Variants in ERC1 observed in about 807,000 individuals in gnomAD.
The protein encoded by ERC1 is RAB6 interacting protein 2.
Under a neutral mutation model 132.0 loss-of-function variants are expected in ERC1, and 56 were observed. The observed-to-expected ratio is 0.42, with a 90% CI of 0.34 to 0.53. ERC1 has a LOEUF of 0.53. ERC1 is among the 20% of genes least tolerant of loss of function. The pLI, the probability that ERC1 is intolerant of heterozygous loss-of-function variation, is 0.03. For missense variants in ERC1, 1,202 were observed against 1,349.9 expected (o/e 0.89, Z 1.72); for synonymous variants, 478 against 476.1 (o/e 1.00, Z -0.05).
intron 18 of ERC1, among the ~76,000 whole-genome samples, chr12:1,487,326 C>A (rs2154434047): frequency 7.5e-6 from 1 of 132,664 alleles, no homozygotes; most frequent in African/African-American, 2.7e-5. Flanking sequence ...CATCTAGATT[C>A]TTTCTTTTCT....
chr12:1,191,093 G>A (rs1161124692), intron 12 of ERC1, among the ~76,000 whole-genome samples: 5 of 151,986 alleles, frequency 3.3e-5, no homozygotes, highest in Non-Finnish European at 7.4e-5. Flanking sequence ...CTCCTTCACT[G>A]TACTGAAAGT....
chr12:1,315,086 C>T (rs1438954720), intron 15 of ERC1, among the ~76,000 whole-genome samples: 6 of 152,156 alleles, frequency 3.9e-5, no homozygotes, highest in Non-Finnish European at 2.9e-5. Context: ...GTCTCACTCT[C>T]TCTGCTCACT....
chr12:1,036,964 C>T (rs1009165037), intron 2 of ERC1, among the ~76,000 whole-genome samples: 1 of 152,092 alleles, frequency 6.6e-6, no homozygotes, highest in African/African-American at 2.4e-5. Flanking sequence ...ACAATCATTT[C>T]GAGAAGCAAA....
intron 2 of ERC1, 97 bp from the exon 3 acceptor site, chr12:1,083,067 G>A: frequency 9.7e-7 from 1 of 1,028,144 alleles, no homozygotes. Flanking sequence ...GCTAGATGCA[G>A]ATTTCTTGTA....
chr12:1,174,161 C>T (rs548257772), intron 8 of ERC1, among the ~76,000 whole-genome samples: 1 of 152,334 alleles, frequency 6.6e-6, no homozygotes, highest in South Asian at 2.1e-4. Context: ...ACATTTCACC[C>T]GACACACCCA....
At chr12:1,200,289 C>G (rs1956782296) in intron 12 of ERC1, among the ~76,000 whole-genome samples, 1 of 152,128 alleles carries the variant, frequency 6.6e-6, no homozygotes. Context: ...TCTTATCTGT[C>G]TTTTCTTATT....
chr12:1,011,538 CT>C (rs1378758972), intron 1 of ERC1, among the ~76,000 whole-genome samples: 1 of 152,084 alleles, frequency 6.6e-6, no homozygotes, highest in Non-Finnish European at 1.5e-5. Flanking sequence ...TAGTGTTTAC[CT>C]GTTTGGAAAA....
intron 18 of ERC1, among the ~76,000 whole-genome samples, chr12:1,479,302 CT>C (rs1206660935): frequency 1.3e-5 from 2 of 152,134 alleles, no homozygotes; most frequent in African/African-American, 4.8e-5. Context: ...ATCAGCTCGT[CT>C]ATTCACATAC....
chr12:1,072,086 G>A (rs972505590), intron 2 of ERC1, among the ~76,000 whole-genome samples: 101 of 147,272 alleles, frequency 6.9e-4, no homozygotes, highest in African/African-American at 2.2e-3. Flanking sequence ...GGGCAGCAGA[G>A]CAAGACTCTG....
chr12:1,473,782 A>G (rs530198909), intron 18 of ERC1, among the ~76,000 whole-genome samples: 1 of 152,314 alleles, frequency 6.6e-6, no homozygotes, highest in South Asian at 2.1e-4. Context: ...ATGAGTGGGA[A>G]ATAAACATAG....
chr12:1,131,884 G>T (rs938194087), intron 7 of ERC1, among the ~76,000 whole-genome samples: 3 of 152,148 alleles, frequency 2.0e-5, no homozygotes, highest in African/African-American at 7.2e-5. Context: ...ATTGAAGTTG[G>T]CATGACCTGT....
chr12:1,196,370 A>C (rs752457658), intron 12 of ERC1, among the ~76,000 whole-genome samples: 2 of 152,154 alleles, frequency 1.3e-5, no homozygotes, highest in Non-Finnish European at 2.9e-5. Context: ...ATGTATTTTG[A>C]ATCTAAGGAA....
chr12:1,101,849 C>T (rs1944703060), intron 3 of ERC1, among the ~76,000 whole-genome samples: 1 of 152,200 alleles, frequency 6.6e-6, no homozygotes, highest in African/African-American at 2.4e-5. Context: ...GTTCACCAAA[C>T]AAGAGCTTCC....
intron 16 of ERC1, among the ~76,000 whole-genome samples, chr12:1,404,647 T>C (rs1403893559): frequency 6.6e-6 from 1 of 152,202 alleles, no homozygotes; most frequent in Non-Finnish European, 1.5e-5. Flanking sequence ...CCTCGTTATT[T>C]TCTTTTTATT....
rs1969254473 is a variant in ERC1 at position 1,037,206 on chromosome 12, G to A, written c.669+8634G>A. 2.0e-5 allele frequency among the ~76,000 whole-genome samples: 3 copies of A among 152,156 alleles called. No homozygotes were observed. In the South Asian group the frequency reaches 6.2e-4, roughly 32 times the overall value. On this transcript the variant is annotated intron_variant, in intron 2 of 18. Transcript: ENST00000360905. ...TAAGGGCAGAGTTTGCCAGATAATTGCAGTTTCTCTCTCACTTTTTATTTT... is the reference window on the plus strand; with the variant it reads ...TAAGGGCAGAGTTTGCCAGATAATTACAGTTTCTCTCTCACTTTTTATTTT...
chr12:1,122,523 A>G (rs201842310), intron 7 of ERC1, among the ~76,000 whole-genome samples: 1 of 6,634 alleles, frequency 1.5e-4, no homozygotes. Flanking sequence ...CTGTGTCTCT[A>G]TCTCTATCTC....
chr12:1,037,198 A>G (rs539235988), intron 2 of ERC1, among the ~76,000 whole-genome samples: 2 of 152,350 alleles, frequency 1.3e-5, no homozygotes, highest in South Asian at 2.1e-4. Flanking sequence ...AGAGTTTGCC[A>G]GATAATTGCA....
At chr12:1,361,098 C>CAA (rs760525917) in intron 15 of ERC1, among the ~76,000 whole-genome samples, 284 of 48,102 alleles carry the variant, frequency 5.9e-3, no homozygotes, top group African/African-American at 0.018. Context: ...GGCTCTGTCT[C>CAA]AAAAAAAAAA....
intron 14 of ERC1, among the ~76,000 whole-genome samples, chr12:1,272,168 A>G (rs536999965): frequency 2.0e-5 from 3 of 152,336 alleles, no homozygotes; most frequent in East Asian, 3.9e-4. Flanking sequence ...TAGTTACTAC[A>G]TCTGCCACAT....
Sources: gnomAD v4.1 joint callset for allele counts (sites outside exome capture counted in the v4.1 genomes callset) on GRCh38, gnomAD v4.1.1 for gene constraint, MANE v1.5 for transcripts, NCBI Gene and HGNC (gene_info 2026-07-23, HGNC 2026-07-21) for gene names.